KPNA1: variants seen among roughly 807,000 people sequenced by gnomAD.
The protein encoded by KPNA1 is karyopherin subunit alpha 1.
In KPNA1, 10 loss-of-function variants were observed where a neutral mutation model predicts 70.5. The observed-to-expected ratio is 0.14, with a 90% confidence interval of 0.09 to 0.24. The LOEUF (loss-of-function observed/expected upper bound fraction) is 0.24, where lower values mean the gene tolerates loss of function less well. Ranked by LOEUF, KPNA1 falls within the 10% of genes least tolerant of loss-of-function variation. The pLI is 1.00. For synonymous variants in KPNA1, 192 were observed against 221.9 expected, an observed-to-expected ratio of 0.87 and a Z score of 1.20; for missense variants, 397 against 637.9, an observed-to-expected ratio of 0.62 and a Z score of 4.07.
At chr3:122,470,662 T>A (rs1363872731) in intron 2 of KPNA1, among the ~76,000 whole-genome samples, 1 of 152,160 alleles carries the variant, frequency 6.6e-6, no homozygotes, top group Non-Finnish European at 1.5e-5. Context: ...TATAGTGTTA[T>A]TTTAAAGCAG....
intron 3 of KPNA1, among the ~76,000 whole-genome samples, chr3:122,465,496 A>T (rs574705799): frequency 1.3e-5 from 2 of 152,372 alleles, no homozygotes; most frequent in African/African-American, 4.8e-5. Flanking sequence ...GGTATTCAAA[A>T]TACAGTTCCT....
At chr3:122,429,351 T>C (rs887943028) in intron 12 of KPNA1, among the ~76,000 whole-genome samples, 11 of 145,310 alleles carry the variant, frequency 7.6e-5, no homozygotes, top group Admixed American at 7.3e-4. Context: ...CTTGGGAGGC[T>C]GAGGCAGAAT....
In KPNA1 at chr3:122,478,890, G is replaced by A. The variant is rs1385486717; in HGVS notation, c.130-11461C>T. ...GCCTGGGCAACAAGAGCAAAACCTC[G>A]TCTCAAAAAAAAAAAAAAAAAAAAA... On this transcript the variant is annotated intron_variant, in intron 2 of 13. Transcript: ENST00000344337. 3.3e-4 allele frequency among the ~76,000 whole-genome samples: 13 copies of A among 39,422 alleles called. No individual in the cohort carries two copies. The Admixed American group carries it at 4.7e-3, about 14-fold the overall frequency. The allele number at this position is 39,422 out of a possible 152,430, so 25.9% of individuals were successfully genotyped here. A position where few individuals can be genotyped will look rare whatever the true frequency, so the allele number is the denominator to read the frequency against.
intron 10 of KPNA1, among the ~76,000 whole-genome samples, chr3:122,441,326 A>G (rs1337857685): frequency 6.6e-6 from 1 of 152,190 alleles, no homozygotes; most frequent in Middle Eastern, 3.2e-3. Flanking sequence ...AGATGGTGAC[A>G]TTAGAAAGTA....
intron 5 of KPNA1, among the ~76,000 whole-genome samples, chr3:122,455,713 G>C (rs1229665162): frequency 6.6e-6 from 1 of 151,846 alleles, no homozygotes; most frequent in Non-Finnish European, 1.5e-5. Flanking sequence ...GTGCCACCAC[G>C]CCCGGCTAAT....
At chr3:122,464,355 G>C in intron 3 of KPNA1, 1 of 207,150 alleles carries the variant, frequency 4.8e-6, no homozygotes, top group Non-Finnish European at 9.5e-6. Flanking sequence ...TAAATGTTAA[G>C]TTTTAAAAGA....
chr3:122,472,405 C>A (rs569609430), intron 2 of KPNA1, among the ~76,000 whole-genome samples: 1 of 151,994 alleles, frequency 6.6e-6, no homozygotes, highest in South Asian at 2.1e-4. Context: ...AATGAAGACA[C>A]AACTTATCAA....
intron 2 of KPNA1, among the ~76,000 whole-genome samples, chr3:122,493,870 C>T (rs865942929): frequency 6.6e-6 from 1 of 152,162 alleles, no homozygotes; most frequent in East Asian, 1.9e-4. Context: ...CAGGCATGAG[C>T]CACCCCGCCC....
rs137960891 is a variant in KPNA1 at position 122,475,020 on chromosome 3, G to T, written c.130-7591C>A. Among the ~76,000 whole-genome samples the T allele has an allele frequency of 3.2e-3, 491 of 152,268 alleles. 2 individuals are homozygous for T. Among genetic ancestry groups the T allele is most frequent in the African/African-American group, 0.011 (475 of 41,534 alleles). On this transcript the variant is annotated intron_variant, in intron 2 of 13. Transcript: ENST00000344337. ...AGTCCTAGCCAGAGCAATTAGGCAA[G>T]AGAAAGAAATAAAAGGCATCTAAAT...
intron 2 of KPNA1, among the ~76,000 whole-genome samples, chr3:122,480,435 C>A (rs1421065136): frequency 6.8e-6 from 1 of 146,894 alleles, no homozygotes; most frequent in Non-Finnish European, 1.5e-5. Flanking sequence ...GAACCAAAAA[C>A]TGCTAAAAAA....
At chr3:122,438,375 C>T (rs569168323) in intron 10 of KPNA1, among the ~76,000 whole-genome samples, 41 of 150,250 alleles carry the variant, frequency 2.7e-4, no homozygotes, top group African/African-American at 9.1e-4. Context: ...ACTCAGTCTT[C>T]GGTATTTCTT....
intron 2 of KPNA1, among the ~76,000 whole-genome samples, chr3:122,467,685 T>C (rs1353946026): frequency 6.6e-6 from 1 of 151,308 alleles, no homozygotes; most frequent in African/African-American, 2.4e-5. Context: ...TGACACTATA[T>C]GACATTAAAA....
At chr3:122,498,346 T>G (rs1291994540) in intron 1 of KPNA1, among the ~76,000 whole-genome samples, 1 of 152,214 alleles carries the variant, frequency 6.6e-6, no homozygotes, top group Non-Finnish European at 1.5e-5. Context: ...TTCAGCCATG[T>G]GAGGACACAG....
chr3:122,434,484 G>C (rs1351938917), intron 11 of KPNA1, among the ~76,000 whole-genome samples: 1 of 152,170 alleles, frequency 6.6e-6, no homozygotes, highest in African/African-American at 2.4e-5. Flanking sequence ...GCCCAGGGTA[G>C]CCAGCAGTTT....
intron 12 of KPNA1, among the ~76,000 whole-genome samples, chr3:122,428,133 T>C (rs151272531): frequency 6.6e-6 from 1 of 152,328 alleles, no homozygotes. Flanking sequence ...CAAAGATGAT[T>C]AGAATTTTAG....
intron 11 of KPNA1, among the ~76,000 whole-genome samples, chr3:122,435,108 T>G (rs2075967264): frequency 6.6e-6 from 1 of 152,234 alleles, no homozygotes; most frequent in South Asian, 2.1e-4. Flanking sequence ...CCGTTTCATC[T>G]TTTTATTCAA....
chr3:122,512,567 A>G (rs2076967003), intron 1 of KPNA1, among the ~76,000 whole-genome samples: 1 of 152,142 alleles, frequency 6.6e-6, no homozygotes, highest in African/African-American at 2.4e-5. Context: ...CTACTAAAAT[A>G]CAAAAAATTA....
At chr3:122,430,558 A>ATGT (rs2075889445) in intron 12 of KPNA1, among the ~76,000 whole-genome samples, 2 of 85,652 alleles carry the variant, frequency 2.3e-5, no homozygotes, top group Admixed American at 1.0e-4. Context: ...TCTCAAATAA[A>ATGT]CTGTGTGTGT....
intron 2 of KPNA1, among the ~76,000 whole-genome samples, chr3:122,480,215 T>C (rs1384739823): frequency 2.0e-5 from 3 of 152,188 alleles, no homozygotes; most frequent in African/African-American, 7.2e-5. Flanking sequence ...GGGAATCTAC[T>C]CTGTGTGATA....
Sources: gnomAD v4.1 joint callset for allele counts (sites outside exome capture counted in the v4.1 genomes callset) on GRCh38, gnomAD v4.1.1 for gene constraint, MANE v1.5 for transcripts, NCBI Gene and HGNC (gene_info 2026-07-23, HGNC 2026-07-21) for gene names.